The following HERC3 variants were observed in gnomAD, a reference collection of about 807,000 sequenced individuals.
HERC3 encodes probable E3 ubiquitin-protein ligase HERC3.
HERC3 carries 58 observed loss-of-function variants against 129.9 expected under a neutral mutation model. That is an observed-to-expected ratio of 0.45 (90% confidence interval 0.36 to 0.56). HERC3 has a LOEUF of 0.56. Among genes scored for constraint, HERC3 ranks in the 20% least tolerant of loss-of-function variants. HERC3 has a pLI of 0.00. For synonymous variants in HERC3, 430 were observed against 451.0 expected (o/e 0.95, Z 0.59); for missense variants, 835 against 1,244.2 (o/e 0.67, Z 4.95).
intron 9 of HERC3, chr4:88,656,364 T>G (rs543776812): frequency 4.3e-6 from 1 of 234,234 alleles, no homozygotes; most frequent in Non-Finnish European, 8.5e-6. Flanking sequence ...AGCCATCTGC[T>G]TGGCTTCTGG....
chr4:88,678,500 G>A (rs1022168311), intron 19 of HERC3, among the ~76,000 whole-genome samples: 1 of 152,170 alleles, frequency 6.6e-6, no homozygotes, highest in Non-Finnish European at 1.5e-5. Flanking sequence ...GAGAAAGAAG[G>A]TAAAATAGGA....
At chr4:88,611,519 T>G (rs1046836995) in intron 3 of HERC3, among the ~76,000 whole-genome samples, 8 of 152,178 alleles carry the variant, frequency 5.3e-5, no homozygotes, top group Admixed American at 5.2e-4. Context: ...TATGGGCAGG[T>G]CTGTGATTTC....
chr4:88,706,710 T>C, intron 25 of HERC3, 42 bp from the exon 26 acceptor site: 1 of 1,541,716 alleles, frequency 6.5e-7, no homozygotes, highest in Non-Finnish European at 9.0e-7. Context: ...AGATCCATTT[T>C]CCGTTTGCTT....
At chr4:88,536,230 G>A in the HERC3 span, among the ~76,000 whole-genome samples, 4 of 152,226 alleles carry the variant, frequency 2.6e-5, no homozygotes, top group Non-Finnish European at 4.4e-5. Context: ...ACTATTTGTT[G>A]TCCCCATAAT....
At chr4:88,596,981 A>G (rs1192816961) in intron 2 of HERC3, among the ~76,000 whole-genome samples, 1 of 152,280 alleles carries the variant, frequency 6.6e-6, no homozygotes, top group Non-Finnish European at 1.5e-5. Flanking sequence ...AGATTTAGTT[A>G]CAATGATGCT....
chr4:88,536,794 A>G, the HERC3 span, among the ~76,000 whole-genome samples: 3 of 152,184 alleles, frequency 2.0e-5, no homozygotes, highest in Admixed American at 2.0e-4. Flanking sequence ...AATTCAAAAC[A>G]TATAAACTCT....
intron 9 of HERC3, among the ~76,000 whole-genome samples, chr4:88,657,979 T>A (rs902753122): frequency 6.6e-6 from 1 of 151,874 alleles, no homozygotes; most frequent in Non-Finnish European, 1.5e-5. Flanking sequence ...AATGTCACCG[T>A]GGACACAGTG....
At chr4:88,581,072 G>A in the HERC3 span, among the ~76,000 whole-genome samples, 1 of 152,248 alleles carries the variant, frequency 6.6e-6, no homozygotes, top group South Asian at 2.1e-4. Flanking sequence ...GGCAAAGGAG[G>A]AAGGGAAGAG....
intron 23 of HERC3, among the ~76,000 whole-genome samples, chr4:88,699,397 CCCACCTTCCCCCACGGTCTTCA>C (rs1291021874): frequency 1.0e-5 from 1 of 95,766 alleles, no homozygotes; most frequent in East Asian, 3.4e-4. Flanking sequence ...TGTCTTCTTC[CCCACCTTCCCCCACGGTCTTCA>C]CCACCTTCCC....
the HERC3 span, among the ~76,000 whole-genome samples, chr4:88,525,589 A>G: frequency 6.6e-6 from 1 of 152,202 alleles, no homozygotes; most frequent in Non-Finnish European, 1.5e-5. Flanking sequence ...CTCCACATAG[A>G]GGGTTTGAGG....
At chr4:88,684,344 C>T (rs886074381) in intron 21 of HERC3, among the ~76,000 whole-genome samples, 1 of 152,068 alleles carries the variant, frequency 6.6e-6, no homozygotes, top group African/African-American at 2.4e-5. Context: ...TTCGACAAAC[C>T]TGACAAAAAC....
chr4:88,578,900 C>G, the HERC3 span, among the ~76,000 whole-genome samples: 6 of 152,028 alleles, frequency 3.9e-5, no homozygotes, highest in African/African-American at 1.4e-4. Context: ...GGCATCACCC[C>G]TACAAAAAAT....
chr4:88,568,823 C>T, the HERC3 span, among the ~76,000 whole-genome samples: 1 of 151,936 alleles, frequency 6.6e-6, no homozygotes, highest in African/African-American at 2.4e-5. Flanking sequence ...TGCAGCTGAG[C>T]TGGTACCCAA....
chr4:88,641,921 C>G (rs1431763785), intron 3 of HERC3, among the ~76,000 whole-genome samples: 1 of 151,914 alleles, frequency 6.6e-6, no homozygotes, highest in Non-Finnish European at 1.5e-5. Context: ...AGTTCAAGAC[C>G]AGGCTGGCCA....
intron 23 of HERC3, among the ~76,000 whole-genome samples, chr4:88,689,618 C>T (rs1375267001): frequency 1.3e-5 from 2 of 150,060 alleles, no homozygotes; most frequent in Admixed American, 1.3e-4. Context: ...CACTCTGTCT[C>T]CAAGGCTGGA....
chr4:88,683,474 A>G (rs950883980), intron 21 of HERC3, among the ~76,000 whole-genome samples: 1 of 151,280 alleles, frequency 6.6e-6, no homozygotes, highest in Admixed American at 6.6e-5. Flanking sequence ...ACTGAAAGAA[A>G]AGGCTAGAGA....
intron 3 of HERC3, among the ~76,000 whole-genome samples, chr4:88,618,746 TC>T (rs1428013684): frequency 5.9e-5 from 9 of 152,150 alleles, no homozygotes; most frequent in Admixed American, 1.3e-4. Flanking sequence ...TTTTGTGAAC[TC>T]AAGAAAAACA....
chr4:88,645,757 T>G (rs1728626673), intron 3 of HERC3, among the ~76,000 whole-genome samples: 1 of 152,110 alleles, frequency 6.6e-6, no homozygotes, highest in Non-Finnish European at 1.5e-5. Context: ...AATTTAAAAC[T>G]TATGAGTTGC....
At chr4:88,588,848 C>T (rs1350546713), upstream of HERC3, among the ~76,000 whole-genome samples, 2 of 152,214 alleles carry the variant, frequency 1.3e-5, no homozygotes, top group African/African-American at 2.4e-5. Context: ...AGTGCAGCAG[C>T]CCTGGGCACC....
Sources: allele counts gnomAD v4.1 joint callset (sites outside exome capture counted in the v4.1 genomes callset), GRCh38; gene constraint gnomAD v4.1.1; transcripts MANE v1.5; gene names NCBI Gene and HGNC (gene_info 2026-07-23, HGNC 2026-07-21).